RAPGEF4: variants seen among roughly 807,000 people sequenced by gnomAD.
RAPGEF4 encodes the protein RAP guanine-nucleotide-exchange factor (GEF) 4.
In RAPGEF4, 66 loss-of-function variants were observed where a neutral mutation model predicts 147.9. That is an observed-to-expected ratio of 0.45 (90% confidence interval 0.37 to 0.55). RAPGEF4 has a LOEUF of 0.55. RAPGEF4 is among the 20% of genes least tolerant of loss of function. The probability of loss-of-function intolerance (pLI) is 0.00; values close to 1 mark genes in which losing one functional copy is unlikely to be tolerated. For synonymous variants in RAPGEF4, 419 were observed against 442.7 expected, an observed-to-expected ratio of 0.95 and a Z score of 0.67; for missense variants, 1,071 against 1,257.3, an observed-to-expected ratio of 0.85 and a Z score of 2.24.
chr2:172,862,063 C>T (rs959180001), intron 4 of RAPGEF4, among the ~76,000 whole-genome samples: 7 of 152,142 alleles, frequency 4.6e-5, no homozygotes, highest in Non-Finnish European at 1.0e-4. Flanking sequence ...TTTGAATAAT[C>T]ACAAAAATAA....
intron 4 of RAPGEF4, among the ~76,000 whole-genome samples, chr2:172,840,924 C>T (rs1466375658): frequency 1.3e-5 from 2 of 152,218 alleles, no homozygotes; most frequent in African/African-American, 4.8e-5. Context: ...CCTTGGTTTT[C>T]CTCTTACTGG....
chr2:172,995,978 T>A (rs1479853917), intron 15 of RAPGEF4, among the ~76,000 whole-genome samples: 1 of 152,188 alleles, frequency 6.6e-6, no homozygotes, highest in African/African-American at 2.4e-5. Flanking sequence ...CCAAAGCACA[T>A]ACCAGTGTAC....
chr2:172,877,156 T>C lies in RAPGEF4; in HGVS notation c.445-40646T>C, dbSNP rs368639124. Reference sequence around the variant, plus strand: ...TAGATTGGATAAAGAAAATGGGGCATATATACACCATGGAATACTATGCAG... The same window carrying C: ...TAGATTGGATAAAGAAAATGGGGCACATATACACCATGGAATACTATGCAG... On this transcript the variant is annotated intron_variant, in intron 4 of 30. Transcript: ENST00000397081. Among the ~76,000 whole-genome samples the C allele has an allele frequency of 3.3e-3, 505 of 152,220 alleles. 3 individuals carry two copies. The highest frequency in any genetic ancestry group is 0.011 in the African/African-American group (472 of 41,526).
At chr2:173,023,847 G>A (rs937621860) in intron 23 of RAPGEF4, among the ~76,000 whole-genome samples, 4 of 152,190 alleles carry the variant, frequency 2.6e-5, no homozygotes, top group African/African-American at 7.2e-5. Context: ...AACGTAGGAG[G>A]GGCAGCTCCG....
chr2:172,934,120 GA>G (rs1242935852), intron 6 of RAPGEF4, among the ~76,000 whole-genome samples: 2 of 137,388 alleles, frequency 1.5e-5, no homozygotes, highest in Non-Finnish European at 3.1e-5. Flanking sequence ...TGTAATAGTA[GA>G]AAAAATAACT....
chr2:172,797,223 ATTC>A (rs1469019241), intron 2 of RAPGEF4, among the ~76,000 whole-genome samples: 1 of 152,232 alleles, frequency 6.6e-6, no homozygotes, highest in Non-Finnish European at 1.5e-5. Flanking sequence ...ATATCAGCCA[ATTC>A]TTCTTAAATT....
intron 4 of RAPGEF4, among the ~76,000 whole-genome samples, chr2:172,877,476 T>C (rs1375932571): frequency 6.6e-6 from 1 of 150,864 alleles, no homozygotes. Flanking sequence ...GGCACGTGTA[T>C]ACCTATGTAA....
chr2:172,921,878 G>T (rs903159729), intron 5 of RAPGEF4, among the ~76,000 whole-genome samples: 3 of 152,344 alleles, frequency 2.0e-5, no homozygotes, highest in East Asian at 1.9e-4. Flanking sequence ...GAGCCGAGTG[G>T]AGTGGTTTGC....
intron 18 of RAPGEF4, among the ~76,000 whole-genome samples, chr2:173,015,665 T>A (rs1695447317): frequency 6.6e-6 from 1 of 152,190 alleles, no homozygotes; most frequent in African/African-American, 2.4e-5. Flanking sequence ...AGTGGTGGTG[T>A]AGCTGGCACT....
chr2:172,805,962 G>A (rs1016606757), intron 3 of RAPGEF4, among the ~76,000 whole-genome samples: 2 of 151,446 alleles, frequency 1.3e-5, no homozygotes, highest in Non-Finnish European at 2.9e-5. Context: ...TAAATAACAA[G>A]CTTAAAAACA....
chr2:172,857,161 C>T (rs567611232), intron 4 of RAPGEF4, among the ~76,000 whole-genome samples: 13 of 141,460 alleles, frequency 9.2e-5, no homozygotes, highest in African/African-American at 2.8e-4. Flanking sequence ...TTAAAATACG[C>T]GCGTGTGCGC....
intron 1 of RAPGEF4, among the ~76,000 whole-genome samples, chr2:172,791,810 A>T (rs1236164779): frequency 6.6e-6 from 1 of 152,172 alleles, no homozygotes; most frequent in Non-Finnish European, 1.5e-5. Flanking sequence ...GTATAGAAGT[A>T]CCTACATTTT....
intron 15 of RAPGEF4, among the ~76,000 whole-genome samples, chr2:172,994,385 A>G (rs1693116697): frequency 6.6e-6 from 1 of 152,010 alleles, no homozygotes; most frequent in South Asian, 2.1e-4. Flanking sequence ...GTGCCATGAA[A>G]CTCATGCTTG....
chr2:173,042,034 C>T lies in RAPGEF4; in HGVS notation c.2853+5342C>T, dbSNP rs1167680137. Among the ~76,000 whole-genome samples the T allele has an allele frequency of 6.6e-6, 1 of 152,182 alleles. No homozygotes were observed. Among genetic ancestry groups the T allele is most frequent in the East Asian group, 1.9e-4 (1 of 5,196 alleles). On this transcript the variant is annotated intron_variant, in intron 29 of 30. Transcript: ENST00000397081. This position sits in a 1 kb window ranked among gnomAD's most constrained non-coding sequence, Gnocchi z 4.2. ...TTCTGCGACACCCAGCACTCTCCAACACAACCTTGCCTTGATAGGGGTTTC... is the reference window on the plus strand; with the variant it reads ...TTCTGCGACACCCAGCACTCTCCAATACAACCTTGCCTTGATAGGGGTTTC...
intron 1 of RAPGEF4, among the ~76,000 whole-genome samples, chr2:172,743,447 C>G (rs1162435280): frequency 6.6e-6 from 1 of 152,226 alleles, no homozygotes; most frequent in Non-Finnish European, 1.5e-5. Flanking sequence ...CTTGGCGCAA[C>G]TATCTGTTTC....
chr2:172,867,027 C>T (rs867667856), intron 4 of RAPGEF4, among the ~76,000 whole-genome samples: 2 of 150,026 alleles, frequency 1.3e-5, no homozygotes, highest in African/African-American at 2.5e-5. Flanking sequence ...AGTGCAGTGG[C>T]GTGATCTTGG....
At chr2:172,769,556 G>A (rs1328842277) in intron 1 of RAPGEF4, among the ~76,000 whole-genome samples, 2 of 152,082 alleles carry the variant, frequency 1.3e-5, no homozygotes, top group Non-Finnish European at 2.9e-5. Flanking sequence ...TGGCCTTTAA[G>A]TAGATAGGGG....
intron 22 of RAPGEF4, among the ~76,000 whole-genome samples, chr2:173,020,411 T>C (rs1479484813): frequency 6.6e-6 from 1 of 152,192 alleles, no homozygotes; most frequent in Non-Finnish European, 1.5e-5. Flanking sequence ...TTCCTTTTTG[T>C]GGCCATTTCT....
At chr2:172,936,529 A>G (rs1686590072) in intron 6 of RAPGEF4, among the ~76,000 whole-genome samples, 1 of 151,938 alleles carries the variant, frequency 6.6e-6, no homozygotes, top group Admixed American at 6.5e-5. Context: ...GATTTTTAAA[A>G]TTAGTTAATA....
Sources: gnomAD v4.1 joint callset for allele counts (sites outside exome capture counted in the v4.1 genomes callset) on GRCh38, gnomAD v4.1.1 for gene constraint, Gnocchi (gnomAD v3.1) non-coding constraint, MANE v1.5 for transcripts, NCBI Gene and HGNC (gene_info 2026-07-23, HGNC 2026-07-21) for gene names.